CHST10: variants seen among roughly 807,000 people sequenced by gnomAD.
CHST10 encodes HNK-1 sulfotransferase.
Under a neutral mutation model 34.7 loss-of-function variants are expected in CHST10, and 24 were observed. That is an observed-to-expected ratio of 0.69 (90% CI 0.50 to 0.97). The LOEUF is 0.97. CHST10 is among the 50% of genes least tolerant of loss of function. CHST10 has a pLI of 0.00. For synonymous variants in CHST10, 161 were observed against 169.3 expected, an observed-to-expected ratio of 0.95 and a Z score of 0.38; for missense variants, 402 against 452.1, an observed-to-expected ratio of 0.89 and a Z score of 1.00.
intron 1 of CHST10, 179 bp downstream of exon 1, chr2:100,417,195 G>A: frequency 1.9e-6 from 1 of 537,288 alleles, no homozygotes; most frequent in Admixed American, 2.5e-5. Flanking sequence ...CATAATTAAC[G>A]CGAGGAAGGC....
rs532920276 is a variant in CHST10, at chr2:100,399,846, C to T, written c.193-1704G>A. On this transcript the variant is annotated intron_variant, in intron 4 of 6. Transcript: ENST00000264249. Reference sequence around the variant, plus strand: ...CTGCCTGCTTTTCGAGATGAAGACACTGGGGAAGCGAGAGGCCCCTTTGCA... The same window carrying T: ...CTGCCTGCTTTTCGAGATGAAGACATTGGGGAAGCGAGAGGCCCCTTTGCA... 1.1e-4 allele frequency among the ~76,000 whole-genome samples: 17 copies of T among 152,366 alleles called. No individual in the cohort carries two copies. In the South Asian group the frequency reaches 3.5e-3, roughly 32 times the overall value.
chr2:100,415,865 G>C (rs1401713652), intron 1 of CHST10: 1 of 152,130 alleles, frequency 6.6e-6, no homozygotes, highest in Admixed American at 6.5e-5. Context: ...CACACACCTA[G>C]GCTATATGGT....
At position 100,417,448 on chromosome 2, in the gene CHST10, G is replaced by A. The variant is rs1676115471; in HGVS notation, c.-178C>T. ...GGGGGCGCCGCGCGGGTCGGGCTTC[G>A]CCGGGCCTGTGGGCGAAGCGCGCGG... On this transcript the variant is annotated 5_prime_UTR_variant, in exon 1 of 7. Transcript: ENST00000264249. 1.2e-5 allele frequency: 2 copies of A among 168,896 alleles called. No individual in the cohort carries two copies. The highest frequency in any genetic ancestry group is 1.4e-4 in the South Asian group (1 of 7,000). 10.5% of individuals were successfully genotyped at this position (168,896 alleles called of 1,614,324 possible). A position where few individuals can be genotyped will look rare whatever the true frequency, so the allele number is the denominator to read the frequency against.
chr2:100,402,451 A>C, intron 4 of CHST10, 113 bp downstream of exon 4: 1 of 759,672 alleles, frequency 1.3e-6, no homozygotes, highest in South Asian at 1.6e-5. Flanking sequence ...ACACAGGAAA[A>C]GGCTCTAACG....
intron 4 of CHST10, among the ~76,000 whole-genome samples, chr2:100,402,208 C>T (rs1276070672): frequency 6.6e-6 from 1 of 152,198 alleles, no homozygotes; most frequent in Non-Finnish European, 1.5e-5. Context: ...CCCTTTCACT[C>T]TAAAACCCCA....
chr2:100,395,588 G>C lies in CHST10; in HGVS notation c.454C>G (p.Pro152Ala), dbSNP rs750410768. 1 of 1,614,034 alleles carries C rather than the reference G, an allele frequency of 6.2e-7. No homozygotes were observed. Among genetic ancestry groups the C allele is most frequent in the Non-Finnish European group, 8.5e-7 (1 of 1,179,924 alleles). Residue 152 changes from proline to alanine, a missense_variant, in exon 6 of 7, where the codon CCC becomes GCC. By Grantham distance (27) the Pro-to-Ala change is conservative (BLOSUM62 -1). Coordinates refer to ENST00000264249, the MANE Select transcript of CHST10 (RefSeq NM_004854.5). ...TCGTGGTCGTGCACCACGTTTTCGGGGATCTCCTCAATGGAAGAAAATGCT... is the reference window on the plus strand; with the variant it reads ...TCGTGGTCGTGCACCACGTTTTCGGCGATCTCCTCAATGGAAGAAAATGCT... ...NGAFSSIEEI[P>A]ENVVHDHEKN...
chr2:100,396,050 C>CCGCAGCAGCTT (rs1239976312), intron 5 of CHST10, among the ~76,000 whole-genome samples: 1 of 152,214 alleles, frequency 6.6e-6, no homozygotes, highest in Non-Finnish European at 1.5e-5. Flanking sequence ...TAACAGATGC[C>CCGCAGCAGCTT]CGCAGCAGCT....
chr2:100,398,221 G>T (rs1675166702), intron 4 of CHST10, 79 bp from the exon 5 acceptor site: 2 of 981,666 alleles, frequency 2.0e-6, no homozygotes, highest in Non-Finnish European at 3.1e-6. Flanking sequence ...CGCTCCTGCT[G>T]GTCTATCCCC....
intron 2 of CHST10, chr2:100,408,348 G>C (rs1675675027): frequency 6.6e-6 from 1 of 152,090 alleles, no homozygotes; most frequent in South Asian, 2.1e-4. Context: ...CTCCATGTCA[G>C]AGATAGTGAG....
At position 100,395,617 on chromosome 2, in the gene CHST10, G is replaced by A. The variant is rs1243058290; in HGVS notation, c.428-3C>T. The A allele has an allele frequency of 6.2e-7, 1 of 1,613,154 alleles. No homozygotes were observed. Among genetic ancestry groups the A allele is most frequent in the Admixed American group, 1.7e-5 (1 of 60,000 alleles). On this transcript the variant is annotated splice_polypyrimidine_tract_variant and splice_region_variant and intron_variant, in intron 5 of 6. Coordinates refer to ENST00000264249, the MANE Select transcript of CHST10 (RefSeq NM_004854.5). Reference sequence around the variant, plus strand: ...CTCCTCAATGGAAGAAAATGCTCCTGGGAAGTAAACGGAAAGGAAGGCAGG... The same window carrying A: ...CTCCTCAATGGAAGAAAATGCTCCTAGGAAGTAAACGGAAAGGAAGGCAGG...
At chr2:100,406,479 G>T in intron 3 of CHST10, 97 bp downstream of exon 3, 13 of 1,409,898 alleles carry the variant, frequency 9.2e-6, no homozygotes, top group Admixed American at 2.0e-5. Context: ...AAAGTCCTTT[G>T]ACTCTGTGAC....
intron 5 of CHST10, among the ~76,000 whole-genome samples, chr2:100,396,290 T>C (rs1675056017): frequency 6.6e-6 from 1 of 152,226 alleles, no homozygotes; most frequent in Non-Finnish European, 1.5e-5. Flanking sequence ...GGGTCTGTCA[T>C]CAGGGACCAG....
At chr2:100,406,959 T>A (rs970603575) in intron 2 of CHST10, among the ~76,000 whole-genome samples, 1 of 152,212 alleles carries the variant, frequency 6.6e-6, no homozygotes, top group Non-Finnish European at 1.5e-5. Flanking sequence ...AGAAGACCAC[T>A]TCCTTGTGTT....
At chr2:100,417,285 C>A in intron 1 of CHST10, 89 bp downstream of exon 1, 1 of 348,050 alleles carries the variant, frequency 2.9e-6, no homozygotes, top group South Asian at 2.2e-5. Context: ...GGACAAAACC[C>A]GCGGGTTCCC....
rs1427539508 is a variant in CHST10 at position 100,402,607 on chromosome 2, A to C, written c.149T>G (p.Val50Gly). 6 of 1,613,944 alleles carry C rather than the reference A, an allele frequency of 3.7e-6. No individual in the cohort carries two copies. Among genetic ancestry groups the C allele is most frequent in the African/African-American group, 1.3e-5 (1 of 75,030 alleles). Residue 50 changes from valine to glycine, a missense_variant, in exon 4 of 7, where the codon GTG (valine) becomes GGG (glycine). By Grantham distance (109) the Val-to-Gly change is moderately radical. Coordinates refer to ENST00000264249, the MANE Select transcript of CHST10 (RefSeq NM_004854.5). ...GTGCTTCTCTTCTGGCAACTTCCTC[A>C]CTTCCGGCATGGTTGTCAGGAACAG... ...EFLFLTTMPE[V>G]RKLPEEKHIP...
chr2:100,405,451 G>T (rs1304209801), intron 3 of CHST10, among the ~76,000 whole-genome samples: 2 of 152,160 alleles, frequency 1.3e-5, no homozygotes, highest in Non-Finnish European at 2.9e-5. Context: ...TAACCTTGCT[G>T]TCCCTCTGCA....
intron 2 of CHST10, among the ~76,000 whole-genome samples, chr2:100,412,952 G>C (rs916071363): frequency 7.9e-5 from 12 of 151,882 alleles, no homozygotes; most frequent in Non-Finnish European, 1.2e-4. Context: ...TTTTAAAAGA[G>C]AGGCATTCCA....
At chr2:100,401,427 C>G (rs1459681184) in intron 4 of CHST10, among the ~76,000 whole-genome samples, 1 of 152,162 alleles carries the variant, frequency 6.6e-6, no homozygotes, top group Non-Finnish European at 1.5e-5. Context: ...CGGGAGCACC[C>G]TCCACCCGGA....
At chr2:100,416,766 A>C (rs1020968938) in intron 1 of CHST10, 1 of 360,272 alleles carries the variant, frequency 2.8e-6, no homozygotes, top group African/African-American at 2.1e-5. Flanking sequence ...ACCTGGCTGC[A>C]CTACTTTCCA....
Sources: gnomAD v4.1 joint callset for allele counts (sites outside exome capture counted in the v4.1 genomes callset) on GRCh38, gnomAD v4.1.1 for gene constraint, MANE v1.5 for transcripts, NCBI Gene and HGNC (gene_info 2026-07-23, HGNC 2026-07-21) for gene names.